ITGA9: variants seen among roughly 807,000 people sequenced by gnomAD.
ITGA9 encodes the protein integrin alpha-9.
In ITGA9, 56 loss-of-function variants were observed where a neutral mutation model predicts 127.8. That is an observed-to-expected ratio of 0.44 (90% CI 0.35 to 0.55). The LOEUF (loss-of-function observed/expected upper bound fraction) is 0.55, where lower values mean the gene tolerates loss of function less well. Among genes scored for constraint, ITGA9 ranks in the 20% least tolerant of loss-of-function variants. ITGA9 has a pLI of 0.00. For missense variants in ITGA9, 1,196 were observed against 1,347.1 expected (o/e 0.89, Z 1.76); for synonymous variants, 508 against 514.5 (o/e 0.99, Z 0.17).
chr3:37,780,109 A>G, intron 25 of ITGA9, 88 bp downstream of exon 25: 3 of 1,520,030 alleles, frequency 2.0e-6, no homozygotes, highest in Non-Finnish European at 2.7e-6. Flanking sequence ...AGGAAAAAGG[A>G]AAGCATTTGA....
At chr3:37,811,541 C>T (rs899427408) in intron 27 of ITGA9, among the ~76,000 whole-genome samples, 1 of 152,130 alleles carries the variant, frequency 6.6e-6, no homozygotes, top group African/African-American at 2.4e-5. Flanking sequence ...AAGCTCTTCC[C>T]TCCCTGTCTT....
intron 1 of ITGA9, among the ~76,000 whole-genome samples, chr3:37,469,456 T>G (rs1698405721): frequency 6.6e-6 from 1 of 152,218 alleles, no homozygotes; most frequent in Admixed American, 6.5e-5. Flanking sequence ...TTCTATTTGT[T>G]ACTGAAATGT....
chr3:37,505,396 A>G (rs1579070785), intron 6 of ITGA9, among the ~76,000 whole-genome samples: 1 of 152,252 alleles, frequency 6.6e-6, no homozygotes, highest in Admixed American at 6.5e-5. Context: ...GAATAAACAT[A>G]TGACATATTT....
intron 18 of ITGA9, among the ~76,000 whole-genome samples, chr3:37,704,111 C>T (rs1440443402): frequency 6.6e-6 from 1 of 152,146 alleles, no homozygotes; most frequent in Non-Finnish European, 1.5e-5. Flanking sequence ...GTAGACATTA[C>T]CCTCTGGAGT....
At chr3:37,548,001 T>C (rs1157171446) in intron 15 of ITGA9, among the ~76,000 whole-genome samples, 1 of 152,260 alleles carries the variant, frequency 6.6e-6, no homozygotes, top group Non-Finnish European at 1.5e-5. Flanking sequence ...AGTAGTATAC[T>C]GTGTGCACAC....
intron 15 of ITGA9, among the ~76,000 whole-genome samples, chr3:37,609,481 T>C (rs757904076): frequency 1.4e-4 from 22 of 152,224 alleles, no homozygotes; most frequent in Admixed American, 2.6e-4. Flanking sequence ...TTAACACTTA[T>C]ATGCACATTC....
intron 17 of ITGA9, among the ~76,000 whole-genome samples, chr3:37,661,776 A>C (rs1182656764): frequency 6.6e-6 from 1 of 152,248 alleles, no homozygotes; most frequent in Non-Finnish European, 1.5e-5. Flanking sequence ...CTGTGAGCAG[A>C]GCAAGAGGCT....
chr3:37,464,474 T>C (rs73826546), intron 1 of ITGA9, among the ~76,000 whole-genome samples: 3,928 of 152,164 alleles, frequency 0.026, 167 homozygotes, highest in African/African-American at 0.088. Flanking sequence ...ATGATGGGTG[T>C]TTTATAAACA....
chr3:37,492,190 GA>G (rs1224703179), intron 4 of ITGA9, among the ~76,000 whole-genome samples: 3 of 152,224 alleles, frequency 2.0e-5, no homozygotes, highest in African/African-American at 7.2e-5. Context: ...CTCTGATCTA[GA>G]TTTGATTATA....
intron 15 of ITGA9, among the ~76,000 whole-genome samples, chr3:37,584,880 C>T (rs1229536622): frequency 6.6e-6 from 1 of 152,120 alleles, no homozygotes; most frequent in Non-Finnish European, 1.5e-5. Flanking sequence ...TGGCTATTCT[C>T]TACTTCCCCT....
chr3:37,757,784 T>C (rs1256554471), intron 23 of ITGA9, among the ~76,000 whole-genome samples: 1 of 151,770 alleles, frequency 6.6e-6, no homozygotes, highest in Middle Eastern at 3.2e-3. Flanking sequence ...CAAAGACCTA[T>C]ATCTTAAAAA....
chr3:37,777,668 T>A, intron 24 of ITGA9, 151 bp downstream of exon 24: 1 of 858,116 alleles, frequency 1.2e-6, no homozygotes, highest in South Asian at 1.6e-5. Flanking sequence ...ATTTTCAGTC[T>A]GAGGTTTCAA....
At chr3:37,546,357 G>A (rs1270803010) in intron 15 of ITGA9, among the ~76,000 whole-genome samples, 2 of 152,190 alleles carry the variant, frequency 1.3e-5, no homozygotes, top group Non-Finnish European at 2.9e-5. Flanking sequence ...CAGAAGGACT[G>A]CAGGGGAATT....
intron 11 of ITGA9, among the ~76,000 whole-genome samples, chr3:37,519,931 G>C (rs1342755303): frequency 6.6e-6 from 1 of 152,226 alleles, no homozygotes; most frequent in Non-Finnish European, 1.5e-5. Context: ...CATGCTCTCA[G>C]CAGAAGCATT....
intron 3 of ITGA9, among the ~76,000 whole-genome samples, chr3:37,479,110 A>G (rs1220489498): frequency 6.6e-6 from 1 of 152,192 alleles, no homozygotes; most frequent in East Asian, 1.9e-4. Flanking sequence ...AAACCAAAAC[A>G]TAACTGATTT....
At chr3:37,800,986 GA>G (rs1297797384) in intron 26 of ITGA9, among the ~76,000 whole-genome samples, 4 of 152,080 alleles carry the variant, frequency 2.6e-5, no homozygotes, top group Non-Finnish European at 4.4e-5. Context: ...CCAACATGGT[GA>G]AACCCTGTCT....
chr3:37,735,158 G>C (rs1696344676), intron 19 of ITGA9, among the ~76,000 whole-genome samples: 1 of 152,142 alleles, frequency 6.6e-6, no homozygotes. Flanking sequence ...TGTTCTTCCA[G>C]GCCTCCATCC....
At position 37,494,481 on chromosome 3, in the gene ITGA9, C is replaced by T; in HGVS notation, c.545-20C>T. ...ACTGACATGGCTGTGGTTTGCTTCT[C>T]TCTCCTTCCTTCCCCCTAGAGTATA... is the stretch of plus-strand genomic sequence containing the variant. On this transcript the variant is annotated intron_variant, in intron 4 of 27. Transcript: ENST00000264741. The T allele has an allele frequency of 6.3e-7, 1 of 1,583,870 alleles. No individual in the cohort carries two copies. The highest frequency in any genetic ancestry group is 8.7e-7 in the Non-Finnish European group (1 of 1,153,422).
intron 8 of ITGA9, 76 bp downstream of exon 8, chr3:37,508,703 T>A: frequency 2.3e-6 from 3 of 1,321,252 alleles, no homozygotes; most frequent in Non-Finnish European, 3.3e-6. Flanking sequence ...TTTTAGAAAA[T>A]TGGTTTGAAG....
Sources: allele counts gnomAD v4.1 joint callset (sites outside exome capture counted in the v4.1 genomes callset), GRCh38; gene constraint gnomAD v4.1.1; transcripts MANE v1.5; gene names NCBI Gene and HGNC (gene_info 2026-07-23, HGNC 2026-07-21).